Variants in DDHD1 observed in about 807,000 individuals in gnomAD.
The protein encoded by DDHD1 is phospholipase DDHD1.
Under a neutral mutation model 96.4 loss-of-function variants are expected in DDHD1, and 49 were observed. That is an observed-to-expected ratio of 0.51 (90% CI 0.40 to 0.64). The LOEUF is 0.64. Among genes scored for constraint, DDHD1 ranks in the 30% least tolerant of loss-of-function variants. The probability of loss-of-function intolerance (pLI) is 0.00; values close to 1 mark genes in which losing one functional copy is unlikely to be tolerated. For synonymous variants in DDHD1, 442 were observed against 446.5 expected (o/e 0.99, Z 0.13); for missense variants, 1,106 against 1,161.2 (o/e 0.95, Z 0.69).
At chr14:53,152,096 A>C (rs1408634750) in intron 1 of DDHD1, among the ~76,000 whole-genome samples, 165 bp downstream of exon 1, 1 of 151,840 alleles carries the variant, frequency 6.6e-6, no homozygotes, top group Non-Finnish European at 1.5e-5. Context: ...CTGCTCGTTT[A>C]CCCTTCAGCT....
At chr14:53,119,952 G>T (rs184304927) in intron 1 of DDHD1, among the ~76,000 whole-genome samples, 1 of 152,256 alleles carries the variant, frequency 6.6e-6, no homozygotes, top group East Asian at 1.9e-4. Context: ...AGTTCTGCCA[G>T]GGCAATCAGA....
chr14:53,086,972 C>CAAAAAAAAAAAAAAA (rs60569444), intron 4 of DDHD1, among the ~76,000 whole-genome samples: 5 of 52,206 alleles, frequency 9.6e-5, no homozygotes, highest in African/African-American at 2.1e-4. Flanking sequence ...AAATGAAAAG[C>CAAAAAAAAAAAAAAA]AAAAAAAAAA....
At chr14:53,117,021 T>C (rs564262004) in intron 1 of DDHD1, among the ~76,000 whole-genome samples, 1 of 152,078 alleles carries the variant, frequency 6.6e-6, no homozygotes, top group African/African-American at 2.4e-5. Flanking sequence ...CTAGCTAGAC[T>C]AATAAAGAAG....
chr14:53,122,277 G>A (rs1289762133), intron 1 of DDHD1, among the ~76,000 whole-genome samples: 3 of 152,170 alleles, frequency 2.0e-5, no homozygotes, highest in Non-Finnish European at 4.4e-5. Context: ...AATGTCACCT[G>A]CTATGTAACT....
rs1881406593 is a variant in DDHD1, at chr14:53,038,335, T to A, written c.*8433A>T. The A allele has an allele frequency of 6.6e-6, 1 of 152,040 alleles. No individual in the cohort carries two copies. The highest frequency in any genetic ancestry group is 1.5e-5 in the Non-Finnish European group (1 of 67,996). The allele number at this position is 152,040 out of a possible 1,614,324, so 9.4% of individuals were successfully genotyped here. ...TTTAGTCAAGTTTCAGGATACAAAA[T>A]CAATGCACAAAAATTAGGAGCATTT... On this transcript the variant is annotated 3_prime_UTR_variant, in exon 13 of 13. Transcript: ENST00000673822.
intron 1 of DDHD1, among the ~76,000 whole-genome samples, chr14:53,125,111 G>A (rs1366662234): frequency 2.0e-5 from 3 of 152,056 alleles, no homozygotes; most frequent in Admixed American, 6.6e-5. Flanking sequence ...CTCTTTTATA[G>A]GTCTTATCTT....
At chr14:53,053,617 A>C (rs1485265999) in intron 11 of DDHD1, 1 of 151,488 alleles carries the variant, frequency 6.6e-6, no homozygotes, top group Non-Finnish European at 1.5e-5. Context: ...CTAAGTAACA[A>C]ATAAAATCTG....
chr14:53,063,774 C>T (rs1311416568), intron 6 of DDHD1, among the ~76,000 whole-genome samples: 2 of 151,982 alleles, frequency 1.3e-5, no homozygotes, highest in Non-Finnish European at 2.9e-5. Context: ...ACTAAGTTGG[C>T]AATACAGATA....
chr14:53,130,147 G>A (rs1889758480), intron 1 of DDHD1, among the ~76,000 whole-genome samples: 1 of 151,926 alleles, frequency 6.6e-6, no homozygotes, highest in East Asian at 1.9e-4. Context: ...CTTGGCCTCT[G>A]CTCCCCCACC....
rs1023341626 is a variant in DDHD1 at position 53,041,566 on chromosome 14, T to C, written c.*5202A>G. The C allele has an allele frequency of 1.1e-4, 17 of 152,256 alleles. No homozygotes were observed. The allele number at this position is 152,256 out of a possible 1,614,324, so 9.4% of individuals were successfully genotyped here. ...CCCACATAAACACTATGGAAAGGAATGTTAAACATTAGTTAACACTGTGCA... is the reference window on the plus strand; with the variant it reads ...CCCACATAAACACTATGGAAAGGAACGTTAAACATTAGTTAACACTGTGCA... On this transcript the variant is annotated 3_prime_UTR_variant, in exon 13 of 13. Transcript: ENST00000673822.
intron 3 of DDHD1, 136 bp from the exon 4 acceptor site, chr14:53,092,068 TG>T (rs1308204359): frequency 2.6e-6 from 2 of 760,670 alleles, no homozygotes; most frequent in Non-Finnish European, 4.1e-6. Context: ...AAATAAAAAC[TG>T]TAAGAAGGTA....
chr14:53,151,020 A>C (rs894986639), intron 1 of DDHD1, among the ~76,000 whole-genome samples: 1 of 152,240 alleles, frequency 6.6e-6, no homozygotes, highest in Non-Finnish European at 1.5e-5. Flanking sequence ...GTGATTTGAC[A>C]CATGTTGGAA....
At chr14:53,131,367 C>T (rs538296597) in intron 1 of DDHD1, among the ~76,000 whole-genome samples, 8 of 152,252 alleles carry the variant, frequency 5.3e-5, no homozygotes, top group East Asian at 3.9e-4. Flanking sequence ...CAGCCTTACC[C>T]GGCTCAACGC....
In DDHD1 at chr14:53,055,713, G is replaced by T; in HGVS notation, c.2192C>A (p.Ser731Tyr). The change falls in exon 10 of 13, where the codon TCC becomes TAC. Residue 731 changes from serine (S) to tyrosine (Y), a missense_variant. Ser to Tyr is a moderately radical substitution (Grantham distance 144, BLOSUM62 -2). Around this residue, in one of 2 missense-constraint regions of DDHD1, gnomAD observed 650 missense variants for 758.8 expected, o/e 0.86. Coordinates refer to ENST00000673822, the MANE Select transcript of DDHD1 (RefSeq NM_001160148.2). Reference sequence around the variant, plus strand: ...TATAGATTCTCCATAGTGTCGGCGGGACAAAACTGGTGAGGTCACAGGGCT... The same window carrying T: ...TATAGATTCTCCATAGTGTCGGCGGTACAAAACTGGTGAGGTCACAGGGCT... ...IPSPVTSPVL[S>Y]RRHYGESITN... is the part of the protein sequence containing the mutation. The T allele has an allele frequency of 6.2e-7, 1 of 1,614,042 alleles. No homozygotes were observed. The highest frequency in any genetic ancestry group is 1.7e-5 in the Admixed American group (1 of 60,018).
chr14:53,062,865 A>T, intron 7 of DDHD1, 78 bp downstream of exon 7: 1 of 1,430,758 alleles, frequency 7.0e-7, no homozygotes, highest in Non-Finnish European at 9.5e-7. Flanking sequence ...TTATCATGAA[A>T]TTCTTAGTTT....
chr14:53,069,878 C>G (rs1190905785), intron 6 of DDHD1, among the ~76,000 whole-genome samples: 1 of 152,164 alleles, frequency 6.6e-6, no homozygotes, highest in East Asian at 1.9e-4. Flanking sequence ...AGTTCTCATG[C>G]TCTCCCATGA....
chr14:53,135,234 T>C (rs987360097), intron 1 of DDHD1, among the ~76,000 whole-genome samples: 2 of 152,232 alleles, frequency 1.3e-5, no homozygotes, highest in African/African-American at 4.8e-5. Context: ...TCCTCCATTG[T>C]GATCTTTTCC....
chr14:53,076,520 A>G (rs926189368), intron 4 of DDHD1, among the ~76,000 whole-genome samples: 1 of 152,216 alleles, frequency 6.6e-6, no homozygotes, highest in Non-Finnish European at 1.5e-5. Context: ...AATGGCAACA[A>G]AGAATTCAGA....
At chr14:53,147,067 A>T (rs748650563) in intron 1 of DDHD1, among the ~76,000 whole-genome samples, 8 of 152,050 alleles carry the variant, frequency 5.3e-5, no homozygotes, top group Non-Finnish European at 1.2e-4. Flanking sequence ...TCTTTTGCCA[A>T]TATTTTTCAT....
Sources: gnomAD v4.1 joint callset for allele counts (sites outside exome capture counted in the v4.1 genomes callset) on GRCh38, gnomAD v4.1.1 for gene constraint, gnomAD v4.1.1 regional missense constraint, MANE v1.5 for transcripts, NCBI Gene and HGNC (gene_info 2026-07-23, HGNC 2026-07-21) for gene names.